GRAMD1C: variants seen among roughly 807,000 people sequenced by gnomAD.
The protein encoded by GRAMD1C is protein Aster-C.
GRAMD1C carries 89 observed loss-of-function variants against 97.8 expected under a neutral mutation model. The ratio of observed to expected loss-of-function variants is 0.91; its 90% confidence interval spans 0.77 to 1.09. GRAMD1C has a LOEUF of 1.09. Ranked by LOEUF, GRAMD1C falls within the 50% of genes least tolerant of loss-of-function variation. The pLI, the probability that GRAMD1C is intolerant of heterozygous loss-of-function variation, is 0.00. For synonymous variants in GRAMD1C, 256 were observed against 267.0 expected (o/e 0.96, Z 0.40); for missense variants, 740 against 766.4 (o/e 0.97, Z 0.41).
At chr3:113,885,515 T>C (rs141721212) in intron 6 of GRAMD1C, 34,144 of 1,604,596 alleles carry the variant, frequency 0.021, 560 homozygotes, top group Middle Eastern at 0.044. Context: ...GAGACACTTA[T>C]TCACTCCCAC....
chr3:113,872,366 A>G (rs1261686024), intron 3 of GRAMD1C, among the ~76,000 whole-genome samples: 1 of 142,906 alleles, frequency 7.0e-6, no homozygotes, highest in East Asian at 2.0e-4. Flanking sequence ...TTGCACTACT[A>G]TGAATCCACT....
At chr3:113,892,468 T>C (rs1935771975) in intron 6 of GRAMD1C, among the ~76,000 whole-genome samples, 2 of 152,142 alleles carry the variant, frequency 1.3e-5, no homozygotes, top group African/African-American at 2.4e-5. Context: ...TGAGACTCCA[T>C]CTCAAAACAA....
At chr3:113,861,934 C>T (rs1172750569) in intron 2 of GRAMD1C, among the ~76,000 whole-genome samples, 2 of 152,106 alleles carry the variant, frequency 1.3e-5, no homozygotes, top group South Asian at 2.1e-4. Flanking sequence ...CATCACATGT[C>T]AGCAGGTTCT....
intron 14 of GRAMD1C, among the ~76,000 whole-genome samples, chr3:113,937,775 C>T (rs903074979): frequency 8.5e-5 from 13 of 152,222 alleles, no homozygotes; most frequent in South Asian, 4.1e-4. Context: ...AAGGCCAAGG[C>T]GGGTGGATCA....
At chr3:113,890,745 G>T in intron 6 of GRAMD1C, 1 of 700,220 alleles carries the variant, frequency 1.4e-6, no homozygotes, top group South Asian at 1.5e-5. Context: ...TCACATTTGT[G>T]CTTATCACAC....
chr3:113,896,752 C>T (rs1417023399), intron 6 of GRAMD1C, among the ~76,000 whole-genome samples: 1 of 152,104 alleles, frequency 6.6e-6, no homozygotes, highest in Non-Finnish European at 1.5e-5. Context: ...ATTTTAGCAT[C>T]CCTCAAAAGG....
chr3:113,885,252 C>T (rs1320514839), intron 6 of GRAMD1C: 7 of 1,184,480 alleles, frequency 5.9e-6, no homozygotes, highest in Non-Finnish European at 7.3e-6. Context: ...GCTGGCGGAG[C>T]TGGGCCGTGG....
chr3:113,940,041 T>A, intron 16 of GRAMD1C, 45 bp downstream of exon 16: 1 of 1,095,662 alleles, frequency 9.1e-7, no homozygotes, highest in South Asian at 1.3e-5. Flanking sequence ...ATTATTTCAG[T>A]AATTCTTCAG....
At chr3:113,930,856 A>G (rs545108620) in intron 11 of GRAMD1C, 24 bp downstream of exon 11, 4 of 1,213,988 alleles carry the variant, frequency 3.3e-6, no homozygotes. Context: ...GTCAGTGTCC[A>G]GAAGAGTCAT....
In GRAMD1C at chr3:113,876,247, C is replaced by T; in HGVS notation, c.446C>T (p.Thr149Ile). The T allele has an allele frequency of 4.4e-6, 7 of 1,576,252 alleles. No homozygotes were observed. Among genetic ancestry groups the T allele is most frequent in the Non-Finnish European group, 6.1e-6 (7 of 1,146,476 alleles). The change falls in exon 5 of 18, where the codon ACA (threonine) becomes ATA (isoleucine). Residue 149 changes from threonine (T) to isoleucine (I), a missense_variant. Transcript: ENST00000358160. ...ATCCCAAACGCTATCCAGATAGTTACAGAAAGTGAAAAGGTGAAAACTTTC... is the reference window on the plus strand; with the variant it reads ...ATCCCAAACGCTATCCAGATAGTTATAGAAAGTGAAAAGGTGAAAACTTTC... Reference protein sequence around the residue: ...RLIPNAIQIVTESEKFFFTSF... With the variant: ...RLIPNAIQIVIESEKFFFTSF...
chr3:113,915,910 T>A, intron 10 of GRAMD1C, 72 bp downstream of exon 10: 1 of 1,154,732 alleles, frequency 8.7e-7, no homozygotes, highest in South Asian at 1.3e-5. Flanking sequence ...TGAGCATATA[T>A]AAACTGATTT....
At chr3:113,940,479 A>G in intron 17 of GRAMD1C, 134 bp downstream of exon 17, 1 of 588,586 alleles carries the variant, frequency 1.7e-6, no homozygotes, top group Non-Finnish European at 3.1e-6. Flanking sequence ...TACCCCTGCC[A>G]GTCTCTAGTA....
intron 6 of GRAMD1C, among the ~76,000 whole-genome samples, chr3:113,888,903 G>T (rs1448699089): frequency 6.6e-6 from 1 of 152,188 alleles, no homozygotes; most frequent in Non-Finnish European, 1.5e-5. Context: ...AGTGATTAAT[G>T]TATAAATAAA....
chr3:113,885,621 C>G (rs1335038506), intron 6 of GRAMD1C: 2 of 1,502,516 alleles, frequency 1.3e-6, no homozygotes, highest in Non-Finnish European at 1.9e-6. Flanking sequence ...GTTTTTTGTA[C>G]GTAAGAGGCC....
chr3:113,878,044 T>C (rs1348538789), intron 5 of GRAMD1C, among the ~76,000 whole-genome samples: 1 of 152,220 alleles, frequency 6.6e-6, no homozygotes, highest in Non-Finnish European at 1.5e-5. Context: ...CCTCCCAAAG[T>C]GCTGGGATTA....
intron 2 of GRAMD1C, among the ~76,000 whole-genome samples, chr3:113,860,608 C>T (rs1934328300): frequency 6.6e-6 from 1 of 152,138 alleles, no homozygotes; most frequent in Non-Finnish European, 1.5e-5. Flanking sequence ...GGAAGATGTA[C>T]ACTTCCCAGT....
intron 2 of GRAMD1C, chr3:113,850,474 G>T: frequency 2.7e-6 from 4 of 1,484,906 alleles, no homozygotes; most frequent in Non-Finnish European, 3.7e-6. Context: ...CACAGTCTCC[G>T]GGGCAGATGA....
Position 113,885,256 on chromosome 3 carries a change from G to A in GRAMD1C, c.540+2424G>A, listed in dbSNP as rs575580433. The A allele has an allele frequency of 1.5e-4, 180 of 1,221,184 alleles. 2 individuals carry two copies. In the South Asian group the frequency reaches 2.1e-3, roughly 14 times the overall value. The allele number at this position is 1,221,184 out of a possible 1,614,324, so 75.6% of individuals were successfully genotyped here. A position where few individuals can be genotyped will look rare whatever the true frequency, so the allele number is the denominator to read the frequency against. On this transcript the variant is annotated intron_variant, in intron 6 of 17. Transcript: ENST00000358160. The stretch of plus-strand genomic sequence containing the variant: ...GCCCCCGGGGGGCTGGCGGAGCTGG[G>A]CCGTGGGGGCCTCCGGGGCCGGCGG...
chr3:113,904,142 G>C lies in GRAMD1C; in HGVS notation c.659G>C (p.Ser220Thr). The C allele has an allele frequency of 6.2e-7, 1 of 1,608,960 alleles. No homozygotes were observed. Among genetic ancestry groups the C allele is most frequent in the Non-Finnish European group, 8.5e-7 (1 of 1,175,642 alleles). ...CTATAATGATGTGTTTCTTACAGAA[G>C]TCCAGGAAGAAGCAGCTTGGATGAC... ...SLSIEDVQPR[S>T]PGRSSLDDSG... The change falls in exon 8 of 18, where the codon AGT (serine) becomes ACT (threonine). Residue 220 changes from serine to threonine, a missense_variant and splice_region_variant. By Grantham distance (58) the Ser-to-Thr change is moderately conservative. Coordinates refer to ENST00000358160, the MANE Select transcript of GRAMD1C (RefSeq NM_017577.5).
Sources: allele counts gnomAD v4.1 joint callset (sites outside exome capture counted in the v4.1 genomes callset), GRCh38; gene constraint gnomAD v4.1.1; transcripts MANE v1.5; gene names NCBI Gene and HGNC (gene_info 2026-07-23, HGNC 2026-07-21).